The following SUGCT variants were observed in gnomAD, a reference collection of about 807,000 sequenced individuals.
SUGCT encodes succinyl-CoA:glutarate-CoA transferase.
In SUGCT, 41 loss-of-function variants were observed where a neutral mutation model predicts 55.0. The observed-to-expected ratio is 0.74, with a 90% CI of 0.58 to 0.97. SUGCT has a LOEUF of 0.97. Among genes scored for constraint, SUGCT ranks in the 50% least tolerant of loss-of-function variants. The pLI, the probability that SUGCT is intolerant of heterozygous loss-of-function variation, is 0.00. For synonymous variants in SUGCT, 187 were observed against 200.4 expected (o/e 0.93, Z 0.56); for missense variants, 568 against 547.8 (o/e 1.04, Z -0.37).
intron 9 of SUGCT, among the ~76,000 whole-genome samples, chr7:40,401,102 A>G (rs1372858935): frequency 6.6e-6 from 1 of 152,138 alleles, no homozygotes; most frequent in Non-Finnish European, 1.5e-5. Context: ...TTAAGGAAGG[A>G]TAACTGGTTT....
intron 12 of SUGCT, among the ~76,000 whole-genome samples, chr7:40,632,666 T>C (rs1799839113): frequency 6.6e-6 from 1 of 151,946 alleles, no homozygotes; most frequent in South Asian, 2.1e-4. Flanking sequence ...ACCATATTCA[T>C]TCATTCATTT....
At chr7:40,528,883 A>G (rs1017852967) in intron 12 of SUGCT, among the ~76,000 whole-genome samples, 11 of 152,240 alleles carry the variant, frequency 7.2e-5, no homozygotes, top group Admixed American at 5.2e-4. Context: ...AAACATGTGT[A>G]GCAAGATGGC....
chr7:40,296,583 G>A (rs916619519), intron 8 of SUGCT, among the ~76,000 whole-genome samples: 1 of 151,644 alleles, frequency 6.6e-6, no homozygotes, highest in Non-Finnish European at 1.5e-5. Flanking sequence ...CAGAGAGAGG[G>A]GGAAGGGAGA....
chr7:40,228,453 T>C (rs1428378612), intron 6 of SUGCT, among the ~76,000 whole-genome samples: 1 of 152,180 alleles, frequency 6.6e-6, no homozygotes, highest in African/African-American at 2.4e-5. Flanking sequence ...TGTTAATTTT[T>C]TTTTGTTCTT....
At chr7:40,751,091 G>T (rs1245397641) in intron 13 of SUGCT, among the ~76,000 whole-genome samples, 1 of 152,204 alleles carries the variant, frequency 6.6e-6, no homozygotes, top group Non-Finnish European at 1.5e-5. Context: ...GTCAGATGGG[G>T]CCTTCTGTAG....
chr7:40,654,999 C>T lies in SUGCT; in HGVS notation c.1090-94435C>T, dbSNP rs144659077. On this transcript the variant is annotated intron_variant, in intron 12 of 13. Coordinates refer to ENST00000335693, the MANE Select transcript of SUGCT (RefSeq NM_001193313.2). The stretch of plus-strand genomic sequence containing the variant: ...ATTAAAACAACCAATGCCTTGATGC[C>T]TTAACAAATATAATTATAGGCTAGG... Among the ~76,000 whole-genome samples, 12 of 152,192 alleles carry T rather than the reference C, an allele frequency of 7.9e-5. No individual in the cohort carries two copies. In the East Asian group the frequency reaches 2.1e-3, roughly 27 times the overall value.
At chr7:40,658,015 A>G (rs1222783457) in intron 12 of SUGCT, among the ~76,000 whole-genome samples, 1 of 152,192 alleles carries the variant, frequency 6.6e-6, no homozygotes, top group Admixed American at 6.5e-5. Flanking sequence ...AGGGAATTGA[A>G]TTAAATTATT....
chr7:40,435,226 T>TGAGGTCCTC (rs1297725568), intron 9 of SUGCT, among the ~76,000 whole-genome samples: 1 of 152,202 alleles, frequency 6.6e-6, no homozygotes, highest in Non-Finnish European at 1.5e-5. Flanking sequence ...TAAGAAGGAC[T>TGAGGTCCTC]GAGGTCCTCA....
chr7:40,499,440 G>T, intron 12 of SUGCT: 2 of 187,464 alleles, frequency 1.1e-5, no homozygotes, highest in South Asian at 9.4e-5. Flanking sequence ...GAGGTAACTT[G>T]ATTTTTCGAT....
chr7:40,749,570 G>A, intron 13 of SUGCT, 73 bp downstream of exon 13: 3 of 1,201,170 alleles, frequency 2.5e-6, no homozygotes, highest in Non-Finnish European at 3.7e-6. Flanking sequence ...ACTACAGGTA[G>A]CTTATGAGCT....
At chr7:40,602,783 T>C (rs1401322246) in intron 12 of SUGCT, among the ~76,000 whole-genome samples, 1 of 152,222 alleles carries the variant, frequency 6.6e-6, no homozygotes, top group East Asian at 1.9e-4. Context: ...TCTAATCATT[T>C]CTAGGTGTAT....
chr7:40,314,931 C>T (rs868564645), intron 8 of SUGCT, among the ~76,000 whole-genome samples: 1 of 152,098 alleles, frequency 6.6e-6, no homozygotes, highest in Admixed American at 6.6e-5. Flanking sequence ...ACCACATTTG[C>T]CTTGTAAGCA....
intron 13 of SUGCT, among the ~76,000 whole-genome samples, chr7:40,789,500 T>G (rs781217712): frequency 6.6e-6 from 1 of 152,202 alleles, no homozygotes; most frequent in Non-Finnish European, 1.5e-5. Flanking sequence ...CCATTGTATA[T>G]ATATACATTT....
chr7:40,756,750 A>G (rs1788271890), intron 13 of SUGCT, among the ~76,000 whole-genome samples: 1 of 152,198 alleles, frequency 6.6e-6, no homozygotes, highest in Non-Finnish European at 1.5e-5. Flanking sequence ...GTGAAAATGA[A>G]AGGTGAGATA....
intron 1 of SUGCT, among the ~76,000 whole-genome samples, chr7:40,145,516 T>C (rs1788199140): frequency 6.6e-6 from 1 of 152,176 alleles, no homozygotes; most frequent in East Asian, 1.9e-4. Flanking sequence ...CCACTTTTTT[T>C]TTTTTTTCTC....
chr7:40,462,326 G>T (rs1257531615), intron 11 of SUGCT, among the ~76,000 whole-genome samples: 1 of 152,140 alleles, frequency 6.6e-6, no homozygotes. Flanking sequence ...GGATCTGAGG[G>T]AGCAAGAGAA....
intron 11 of SUGCT, among the ~76,000 whole-genome samples, chr7:40,489,983 A>G (rs1791593652): frequency 1.3e-5 from 2 of 152,166 alleles, no homozygotes; most frequent in African/African-American, 2.4e-5. Flanking sequence ...TCTTGAGCAG[A>G]CCCACTGTAG....
chr7:40,967,777 C>A, the SUGCT span, among the ~76,000 whole-genome samples: 7 of 150,214 alleles, frequency 4.7e-5, no homozygotes, highest in Non-Finnish European at 8.9e-5. Flanking sequence ...CCCGCCACCA[C>A]GCCCAGCTAA....
intron 12 of SUGCT, among the ~76,000 whole-genome samples, chr7:40,500,505 T>A (rs1583841554): frequency 6.6e-6 from 1 of 152,264 alleles, no homozygotes; most frequent in Non-Finnish European, 1.5e-5. Context: ...TGCATCACCA[T>A]CAAAATTAAT....
Sources: allele counts gnomAD v4.1 joint callset (sites outside exome capture counted in the v4.1 genomes callset), GRCh38; gene constraint gnomAD v4.1.1; transcripts MANE v1.5; gene names NCBI Gene and HGNC (gene_info 2026-07-23, HGNC 2026-07-21).